SEPTIN3: variants seen among roughly 807,000 people sequenced by gnomAD.
SEPTIN3 encodes septin 3.
Under a neutral mutation model 45.1 loss-of-function variants are expected in SEPTIN3, and 15 were observed. The observed-to-expected ratio is 0.33, with a 90% confidence interval of 0.22 to 0.51. The LOEUF (loss-of-function observed/expected upper bound fraction) is 0.51. Among genes scored for constraint, SEPTIN3 ranks in the 20% least tolerant of loss-of-function variants. The probability of loss-of-function intolerance (pLI) is 0.97; values close to 1 mark genes in which losing one functional copy is unlikely to be tolerated. For missense variants in SEPTIN3, 289 were observed against 457.2 expected (o/e 0.63, Z 3.35); for synonymous variants, 148 against 164.8 (o/e 0.90, Z 0.78).
intron 9 of SEPTIN3, among the ~76,000 whole-genome samples, chr22:41,993,481 T>C (rs2078358800): frequency 2.0e-5 from 3 of 151,898 alleles, no homozygotes; most frequent in Admixed American, 2.0e-4. Flanking sequence ...CGGACCCCGA[T>C]TTTTGTATTT....
In SEPTIN3 at chr22:41,972,770, G is replaced by A; in HGVS notation, c.1278G>A (p.Leu426=). 5.0e-6 allele frequency: 2 copies of A among 399,112 alleles called. No individual in the cohort carries two copies. The highest frequency in any genetic ancestry group is 8.8e-6 in the Non-Finnish European group (2 of 226,144). 24.7% of individuals were successfully genotyped at this position (399,112 alleles called of 1,614,324 possible). Residue 426 remains leucine (L), a synonymous_variant, in exon 2 of 12, where the codon TTG becomes TTA. Coordinates refer to ENST00000644076, the MANE Select transcript of SEPTIN3 (RefSeq NM_001363845.2). ...GCACGGCTAAGAATTCTCTTGCTTTGGACACAAGCAGGATGGGCACAGCTG... is the reference window on the plus strand; with the variant it reads ...GCACGGCTAAGAATTCTCTTGCTTTAGACACAAGCAGGATGGGCACAGCTG... ...KLGTAKNSLA[L]DTSRMGTAVG...
In SEPTIN3 at chr22:41,971,972, G is replaced by A. The variant is rs2077964739; in HGVS notation, c.480G>A (p.Gly160=). 7.5e-6 allele frequency: 3 copies of A among 399,124 alleles called. No individual in the cohort carries two copies. Among genetic ancestry groups the A allele is most frequent in the Non-Finnish European group, 1.3e-5 (3 of 226,126 alleles). The allele number at this position is 399,124 out of a possible 1,614,324, so 24.7% of individuals were successfully genotyped here. ...PGSPPVTLVP[G]GRVHSEGPGN... is the part of the protein sequence containing the mutation. The stretch of plus-strand genomic sequence containing the variant: ...CGCCACCTGTGACCCTAGTGCCAGG[G>A]GGCAGGGTCCACTCTGAGGGCCCAG... The change falls in exon 2 of 12, where the codon GGG becomes GGA. Residue 160 remains glycine (G), a synonymous_variant. Transcript: ENST00000644076.
intron 2 of SEPTIN3, among the ~76,000 whole-genome samples, chr22:41,980,161 C>A (rs375140214): frequency 2.2e-3 from 219 of 101,810 alleles, no homozygotes; most frequent in African/African-American, 8.6e-3. Flanking sequence ...TTTTTGGAGA[C>A]AGAGTTTGAC....
intron 3 of SEPTIN3, 75 bp from the exon 4 acceptor site, chr22:41,985,909 T>C: frequency 6.7e-7 from 1 of 1,495,888 alleles, no homozygotes; most frequent in Non-Finnish European, 9.0e-7. Flanking sequence ...TAGAATTCTG[T>C]AAGCTTATGG....
chr22:41,982,636 C>T (rs571302012), intron 3 of SEPTIN3, among the ~76,000 whole-genome samples: 1 of 152,160 alleles, frequency 6.6e-6, no homozygotes, highest in Admixed American at 6.5e-5. Context: ...CGCCTGTAAT[C>T]CCAGCACTTT....
At chr22:41,986,801 C>T (rs133294) in intron 4 of SEPTIN3, among the ~76,000 whole-genome samples, 57,079 of 151,376 alleles carry the variant, frequency 0.38, 13,314 homozygotes, top group East Asian at 0.85. Flanking sequence ...ACGCCCGGCC[C>T]GAAACCCTGT....
Position 41,981,788 on chromosome 22 carries a change from C to T in SEPTIN3, c.1648C>T (p.Arg550Cys), listed in dbSNP as rs376816587. 36 of 1,613,848 alleles carry T rather than the reference C, an allele frequency of 2.2e-5. No homozygotes were observed. The highest frequency in any genetic ancestry group is 1.6e-4 in the Middle Eastern group (1 of 6,084). Residue 550 changes from arginine to cysteine, a missense_variant, in exon 3 of 12, where the codon CGC becomes TGC. Physicochemically the swap from Arg to Cys is radical, Grantham distance 180. This residue lies in a region of SEPTIN3 where 200 missense variants were observed against 315.1 expected (regional missense o/e 0.63). Transcript: ENST00000644076. ...CATCGACACCATCATCGAGCAGATG[C>T]GCAAGAAGACCATGAAGACCGGTTT... ...IGIDTIIEQM[R>C]KKTMKTGFDF... is the part of the protein sequence containing the mutation.
chr22:41,991,791 C>A (rs757114269), intron 8 of SEPTIN3, 123 bp downstream of exon 8: 1 of 733,622 alleles, frequency 1.4e-6, no homozygotes, highest in Non-Finnish European at 2.5e-6. Flanking sequence ...CTGACCCAGA[C>A]CAGAAGTGAC....
intron 7 of SEPTIN3, among the ~76,000 whole-genome samples, chr22:41,990,680 C>A (rs145171115): frequency 4.2e-4 from 59 of 142,038 alleles, no homozygotes; most frequent in African/African-American, 1.5e-3. Flanking sequence ...CGAGAGGCGG[C>A]GCTTGCAGTG....
chr22:41,985,076 C>T (rs1191830109), intron 3 of SEPTIN3, among the ~76,000 whole-genome samples: 3 of 150,912 alleles, frequency 2.0e-5, no homozygotes, highest in African/African-American at 7.3e-5. Context: ...AGGATGGACT[C>T]GATCTCCTCC....
chr22:41,989,756 C>A, intron 7 of SEPTIN3, 72 bp downstream of exon 7: 2 of 995,982 alleles, frequency 2.0e-6, no homozygotes, highest in South Asian at 1.3e-5. Flanking sequence ...AGGCCATCTC[C>A]TAGCCCTCAT....
Position 41,972,748 on chromosome 22 carries a change from C to T in SEPTIN3, c.1256C>T (p.Thr419Met), listed in dbSNP as rs141520831. ...LARVNRAKLG[T>M]AKNSLALDTS... ...AGAGTGAACAGAGCCAAGCTGGGCA[C>T]GGCTAAGAATTCTCTTGCTTTGGAC... The change falls in exon 2 of 12, where the codon ACG (threonine) becomes ATG (methionine). Residue 419 changes from threonine (T) to methionine (M), a missense_variant. Thr to Met is a moderately conservative substitution (Grantham distance 81, BLOSUM62 -1). This residue lies in a region of SEPTIN3 where 200 missense variants were observed against 315.1 expected (regional missense o/e 0.63). Coordinates refer to ENST00000644076, the MANE Select transcript of SEPTIN3 (RefSeq NM_001363845.2). The T allele has an allele frequency of 1.2e-4, 47 of 399,084 alleles. No individual in the cohort carries two copies. Among genetic ancestry groups the T allele is most frequent in the East Asian group, 1.1e-3 (30 of 28,082 alleles). 24.7% of individuals were successfully genotyped at this position (399,084 alleles called of 1,614,324 possible).
At position 41,971,577 on chromosome 22, in the gene SEPTIN3, G is replaced by T; in HGVS notation, c.85G>T (p.Val29Leu). The T allele has an allele frequency of 2.5e-6, 1 of 399,126 alleles. No homozygotes were observed. 24.7% of individuals were successfully genotyped at this position (399,126 alleles called of 1,614,324 possible). ...GGGAACCTCCTTCTCCCATAGCCAT[G>T]TGCTGGGGCGCCCTATCCGCCCCTC... is the stretch of plus-strand genomic sequence containing the variant. The part of the protein sequence containing the change: ...GPGTSFSHSH[V>L]LGRPIRPSRL... The change falls in exon 2 of 12, where the codon GTG (valine) becomes TTG (leucine). Residue 29 changes from valine (V) to leucine (L), a missense_variant. Val to Leu is a conservative substitution (Grantham distance 32). Around this residue, in one of 3 missense-constraint regions of SEPTIN3, gnomAD observed 200 missense variants for 315.1 expected, o/e 0.63. Coordinates refer to ENST00000644076, the MANE Select transcript of SEPTIN3 (RefSeq NM_001363845.2).
chr22:41,984,859 T>C (rs1179803532), intron 3 of SEPTIN3, among the ~76,000 whole-genome samples: 2 of 85,970 alleles, frequency 2.3e-5, no homozygotes, highest in East Asian at 4.8e-4. Context: ...TTTTTTTTTT[T>C]TTTTTTTTTT....
At chr22:41,993,787 C>T (rs982734046) in intron 9 of SEPTIN3, among the ~76,000 whole-genome samples, 7 of 152,230 alleles carry the variant, frequency 4.6e-5, no homozygotes, top group Non-Finnish European at 8.8e-5. Context: ...AGCCACAGCG[C>T]CTGGCCCCAT....
At position 41,997,007 on chromosome 22, in the gene SEPTIN3, G is replaced by A. The variant is rs1476807075; in HGVS notation, c.*40G>A. 1 of 1,613,524 alleles carries A rather than the reference G, an allele frequency of 6.2e-7. No individual in the cohort carries two copies. Among genetic ancestry groups the A allele is most frequent in the Non-Finnish European group, 8.5e-7 (1 of 1,179,764 alleles). Reference sequence around the variant, plus strand: ...GCTGCTTCTCACTCCATTCCTCTCAGCTGTTATTGCTGCAGGGCCAAGCCC... The same window carrying A: ...GCTGCTTCTCACTCCATTCCTCTCAACTGTTATTGCTGCAGGGCCAAGCCC... On this transcript the variant is annotated 3_prime_UTR_variant, in exon 12 of 12. Coordinates refer to ENST00000644076, the MANE Select transcript of SEPTIN3 (RefSeq NM_001363845.2).
At chr22:41,974,916 T>C (rs948591637) in intron 2 of SEPTIN3, among the ~76,000 whole-genome samples, 10 of 95,054 alleles carry the variant, frequency 1.1e-4, no homozygotes, top group Non-Finnish European at 1.7e-4. Context: ...TACGTGAAAA[T>C]ACTGACTAGC....
intron 2 of SEPTIN3, among the ~76,000 whole-genome samples, chr22:41,979,398 C>T (rs1266531559): frequency 6.6e-6 from 1 of 152,230 alleles, no homozygotes; most frequent in Non-Finnish European, 1.5e-5. Flanking sequence ...CCCCCCCAAA[C>T]CATGTGGCTC....
rs919784869 is a variant in SEPTIN3 at position 41,972,434 on chromosome 22, G to A, written c.942G>A (p.Gly314=). Reference sequence around the variant, plus strand: ...CAGCCAGAGACTTGTCTTCGGTAGGGACAGTCAAGTCAGGCAAAACCGTGA... The same window carrying A: ...CAGCCAGAGACTTGTCTTCGGTAGGAACAGTCAAGTCAGGCAAAACCGTGA... ...LGTARDLSSV[G]TVKSGKTVNL... The change falls in exon 2 of 12, where the codon GGG becomes GGA. Residue 314 remains glycine, a synonymous_variant. Coordinates refer to ENST00000644076, the MANE Select transcript of SEPTIN3 (RefSeq NM_001363845.2). 1 of 398,870 alleles carries A rather than the reference G, an allele frequency of 2.5e-6. No individual in the cohort carries two copies. The highest frequency in any genetic ancestry group is 2.1e-5 in the African/African-American group (1 of 48,592). The allele number at this position is 398,870 out of a possible 1,614,324, so 24.7% of individuals were successfully genotyped here. A position where few individuals can be genotyped will look rare whatever the true frequency, so the allele number is the denominator to read the frequency against.
Sources: gnomAD v4.1 joint callset for allele counts (sites outside exome capture counted in the v4.1 genomes callset) on GRCh38, gnomAD v4.1.1 for gene constraint, gnomAD v4.1.1 regional missense constraint, MANE v1.5 for transcripts, NCBI Gene and HGNC (gene_info 2026-07-23, HGNC 2026-07-21) for gene names.